CTNNA2: variants seen among roughly 807,000 people sequenced by gnomAD.
CTNNA2 encodes catenin alpha 2, also known as catenin alpha-2.
CTNNA2 carries 42 observed loss-of-function variants against 101.0 expected under a neutral mutation model. The ratio of observed to expected loss-of-function variants is 0.42; its 90% CI spans 0.32 to 0.54. The LOEUF (loss-of-function observed/expected upper bound fraction) is 0.54. Among genes scored for constraint, CTNNA2 ranks in the 20% least tolerant of loss-of-function variants. CTNNA2 has a pLI of 0.14. For missense variants in CTNNA2, 871 were observed against 1,223.1 expected (o/e 0.71, Z 4.29); for synonymous variants, 450 against 456.4 (o/e 0.99, Z 0.18).
At chr2:79,972,951 G>T (rs1188038377) in intron 7 of CTNNA2, among the ~76,000 whole-genome samples, 6 of 152,146 alleles carry the variant, frequency 3.9e-5, no homozygotes, top group Non-Finnish European at 1.5e-5. Flanking sequence ...CGTGACAAGA[G>T]TTATGATGTC....
At chr2:79,242,989 T>TACACACACACACAC (rs1443193633) in intron 2 of CTNNA2, among the ~76,000 whole-genome samples, 2 of 92,108 alleles carry the variant, frequency 2.2e-5, no homozygotes, top group African/African-American at 6.9e-5. Flanking sequence ...TATATATATA[T>TACACACACACACAC]ATATACACAC....
intron 7 of CTNNA2, among the ~76,000 whole-genome samples, chr2:80,388,536 AT>A (rs1297659267): frequency 6.6e-6 from 1 of 152,170 alleles, no homozygotes; most frequent in Non-Finnish European, 1.5e-5. Flanking sequence ...TGCTTCTCAT[AT>A]TTCACGATTC....
intron 7 of CTNNA2, among the ~76,000 whole-genome samples, chr2:80,022,188 A>G (rs1694613379): frequency 6.6e-6 from 1 of 152,222 alleles, no homozygotes; most frequent in Non-Finnish European, 1.5e-5. Context: ...CAGCACTGAT[A>G]CTGATAGGTA....
At chr2:79,847,009 T>C (rs973205011) in intron 3 of CTNNA2, among the ~76,000 whole-genome samples, 1 of 152,226 alleles carries the variant, frequency 6.6e-6, no homozygotes, top group African/African-American at 2.4e-5. Context: ...AGATATTTAA[T>C]ATTTGGAAAC....
intron 7 of CTNNA2, among the ~76,000 whole-genome samples, chr2:80,332,678 A>T (rs2149265239): frequency 6.6e-6 from 1 of 152,364 alleles, no homozygotes; most frequent in Middle Eastern, 3.4e-3. Flanking sequence ...AAGACGAGTT[A>T]GAGAGCAGGC....
At chr2:79,802,390 A>G (rs1574005449) in intron 3 of CTNNA2, among the ~76,000 whole-genome samples, 1 of 152,352 alleles carries the variant, frequency 6.6e-6, no homozygotes, top group South Asian at 2.1e-4. Context: ...TGAAGTTGCC[A>G]AATGGGTAAC....
At chr2:80,516,963 T>C (rs1689158522) in intron 9 of CTNNA2, among the ~76,000 whole-genome samples, 1 of 152,206 alleles carries the variant, frequency 6.6e-6, no homozygotes, top group Non-Finnish European at 1.5e-5. Flanking sequence ...TTAAGTTTTG[T>C]TTTTGGTAGA....
chr2:80,479,782 A>G (rs1039518369), intron 9 of CTNNA2, among the ~76,000 whole-genome samples: 3 of 152,320 alleles, frequency 2.0e-5, no homozygotes, highest in African/African-American at 7.2e-5. Flanking sequence ...AAACTGATTT[A>G]TTGAAAACAT....
chr2:80,398,032 C>T (rs1194087685), intron 8 of CTNNA2, among the ~76,000 whole-genome samples: 1 of 152,118 alleles, frequency 6.6e-6, no homozygotes, highest in Admixed American at 6.5e-5. Flanking sequence ...AAAGAAAAAA[C>T]ACAACTATAG....
chr2:80,048,294 T>C (rs1696658151), intron 7 of CTNNA2, among the ~76,000 whole-genome samples: 1 of 152,192 alleles, frequency 6.6e-6, no homozygotes, highest in Non-Finnish European at 1.5e-5. Context: ...TGTATATTAT[T>C]TGGCGGCCTT....
At chr2:79,700,696 A>G (rs1406314047) in intron 2 of CTNNA2, among the ~76,000 whole-genome samples, 1 of 152,140 alleles carries the variant, frequency 6.6e-6, no homozygotes, top group Non-Finnish European at 1.5e-5. Context: ...GTTTATTAAC[A>G]CCACCCAGGG....
At chr2:79,412,263 C>T (rs529857920) in intron 4 of CTNNA2, among the ~76,000 whole-genome samples, 1 of 152,052 alleles carries the variant, frequency 6.6e-6, no homozygotes, top group Non-Finnish European at 1.5e-5. Flanking sequence ...TAGAGACCAA[C>T]AAAGAGACTT....
At chr2:79,274,896 C>A (rs903263926) in intron 2 of CTNNA2, among the ~76,000 whole-genome samples, 1 of 151,970 alleles carries the variant, frequency 6.6e-6, no homozygotes, top group Non-Finnish European at 1.5e-5. Flanking sequence ...CAAGCAGAGT[C>A]AAAAAGCTGT....
intron 5 of CTNNA2, among the ~76,000 whole-genome samples, chr2:79,870,153 T>A (rs3755095): frequency 2.0e-5 from 3 of 151,946 alleles, no homozygotes; most frequent in South Asian, 2.1e-4. Context: ...CCACAGATTA[T>A]TTGCTTCACT....
chr2:80,219,101 A>C (rs916084433), intron 7 of CTNNA2, among the ~76,000 whole-genome samples: 1 of 152,226 alleles, frequency 6.6e-6, no homozygotes, highest in South Asian at 2.1e-4. Context: ...GAAAGAAAGA[A>C]AGAAAAAAAG....
chr2:79,200,700 G>C (rs1205945662), intron 2 of CTNNA2, among the ~76,000 whole-genome samples: 1 of 152,004 alleles, frequency 6.6e-6, no homozygotes, highest in Admixed American at 6.6e-5. Flanking sequence ...AAAAAGGCAA[G>C]GTCCCAGGAG....
intron 15 of CTNNA2, among the ~76,000 whole-genome samples, chr2:80,590,678 C>T (rs1224790152): frequency 6.6e-6 from 1 of 152,090 alleles, no homozygotes; most frequent in Non-Finnish European, 1.5e-5. Flanking sequence ...AATGACATAG[C>T]TTGGCCCTTT....
chr2:79,829,142 A>G (rs1344950858), intron 3 of CTNNA2, among the ~76,000 whole-genome samples: 2 of 152,174 alleles, frequency 1.3e-5, no homozygotes, highest in Non-Finnish European at 2.9e-5. Flanking sequence ...CCTTAGTTCA[A>G]GTAGTTGAAT....
At chr2:80,280,348 G>A (rs575566809) in intron 7 of CTNNA2, among the ~76,000 whole-genome samples, 19 of 151,216 alleles carry the variant, frequency 1.3e-4, no homozygotes, top group East Asian at 2.0e-4. Flanking sequence ...CCCTGGGGAC[G>A]TCAACCCATA....
Sources: gnomAD v4.1 joint callset for allele counts (sites outside exome capture counted in the v4.1 genomes callset) on GRCh38, gnomAD v4.1.1 for gene constraint, MANE v1.5 for transcripts, NCBI Gene and HGNC (gene_info 2026-07-23, HGNC 2026-07-21) for gene names.